GULP1: variants seen among roughly 807,000 people sequenced by gnomAD.
GULP1 encodes the protein PTB domain-containing engulfment adapter protein 1.
Under a neutral mutation model 40.9 loss-of-function variants are expected in GULP1, and 19 were observed. The ratio of observed to expected loss-of-function variants is 0.46; its 90% CI spans 0.32 to 0.68. The LOEUF is 0.68. GULP1 is among the 30% of genes least tolerant of loss of function. The probability of loss-of-function intolerance (pLI) is 0.03; values close to 1 mark genes in which losing one functional copy is unlikely to be tolerated. For synonymous variants in GULP1, 119 were observed against 117.6 expected (o/e 1.01, Z -0.08); for missense variants, 312 against 362.2 (o/e 0.86, Z 1.12).
rs1156906797 is a variant in GULP1, at chr2:188,547,109, A to G, written c.399+5791A>G. Among the ~76,000 whole-genome samples the G allele has an allele frequency of 4.0e-5, 6 of 151,412 alleles. No individual in the cohort carries two copies. The East Asian group carries it at 1.2e-3, about 29-fold the overall frequency. ...GTAGATGGTTTCACTGGAGAATTCTATAAAATGTTTAAACAGGAATTAATG... is the reference window on the plus strand; with the variant it reads ...GTAGATGGTTTCACTGGAGAATTCTGTAAAATGTTTAAACAGGAATTAATG... On this transcript the variant is annotated intron_variant, in intron 7 of 11. Transcript: ENST00000409830.
chr2:188,325,405 G>C (rs150495322), intron 1 of GULP1, among the ~76,000 whole-genome samples: 1 of 152,054 alleles, frequency 6.6e-6, no homozygotes, highest in African/African-American at 2.4e-5. Context: ...GTTCAATCTC[G>C]TGTTAAGTCT....
chr2:188,343,797 T>C (rs761856220), intron 1 of GULP1, among the ~76,000 whole-genome samples: 175 of 152,322 alleles, frequency 1.1e-3, no homozygotes, highest in Non-Finnish European at 2.2e-3. Context: ...CTCAACTTTT[T>C]ATTTTTATTT....
chr2:188,425,708 A>G (rs2056100578), intron 2 of GULP1, among the ~76,000 whole-genome samples: 1 of 152,176 alleles, frequency 6.6e-6, no homozygotes, highest in African/African-American at 2.4e-5. Context: ...ACATAGAATA[A>G]CAATTCAAAT....
At chr2:188,329,681 T>C (rs1207290540) in intron 1 of GULP1, among the ~76,000 whole-genome samples, 1 of 152,148 alleles carries the variant, frequency 6.6e-6, no homozygotes, top group Non-Finnish European at 1.5e-5. Context: ...CTTTTGCTAC[T>C]ATTTGGAGAA....
At chr2:188,575,687 A>G (rs1433054101) in intron 9 of GULP1, among the ~76,000 whole-genome samples, 1 of 152,208 alleles carries the variant, frequency 6.6e-6, no homozygotes, top group Non-Finnish European at 1.5e-5. Flanking sequence ...AATAATTGGA[A>G]AAGACATTGA....
At chr2:188,556,133 C>A (rs1694697767) in intron 7 of GULP1, among the ~76,000 whole-genome samples, 1 of 151,702 alleles carries the variant, frequency 6.6e-6, no homozygotes, top group African/African-American at 2.4e-5. Context: ...GTTTTCTAAT[C>A]CTTTTATGCT....
At chr2:188,354,264 C>T (rs2044941699) in intron 1 of GULP1, among the ~76,000 whole-genome samples, 1 of 152,158 alleles carries the variant, frequency 6.6e-6, no homozygotes, top group Non-Finnish European at 1.5e-5. Context: ...TCTAAGTTGT[C>T]TCTGAGCCCT....
rs552083087 is a variant in GULP1 at position 188,441,589 on chromosome 2, G to T, written c.-44-36070G>T. On this transcript the variant is annotated intron_variant, in intron 2 of 11. Transcript: ENST00000409830. Reference sequence around the variant, plus strand: ...GTTTGCATTCAGGCTCAAATGCCTAGCCACAGTGAATCTTCCAGAGAGATA... The same window carrying T: ...GTTTGCATTCAGGCTCAAATGCCTATCCACAGTGAATCTTCCAGAGAGATA... 2.6e-5 allele frequency among the ~76,000 whole-genome samples: 4 copies of T among 152,298 alleles called. No individual in the cohort carries two copies. The South Asian group carries it at 8.3e-4, about 32-fold the overall frequency.
At chr2:188,457,499 G>A (rs1453023881) in intron 2 of GULP1, among the ~76,000 whole-genome samples, 1 of 152,148 alleles carries the variant, frequency 6.6e-6, no homozygotes, top group East Asian at 1.9e-4. Flanking sequence ...TGCCATGATT[G>A]TGAGGCCTCC....
At chr2:188,565,642 G>C (rs1239892880) in intron 7 of GULP1, among the ~76,000 whole-genome samples, 3 of 151,942 alleles carry the variant, frequency 2.0e-5, no homozygotes, top group Non-Finnish European at 4.4e-5. Context: ...TTCTTATAAT[G>C]TTAAACCTCC....
chr2:188,424,631 T>C (rs1164732020), intron 2 of GULP1, among the ~76,000 whole-genome samples: 1 of 151,972 alleles, frequency 6.6e-6, no homozygotes, highest in Non-Finnish European at 1.5e-5. Context: ...AAATTCCCAA[T>C]TGTCTCATCA....
At chr2:188,468,747 A>G (rs1193799723) in intron 2 of GULP1, among the ~76,000 whole-genome samples, 6 of 152,158 alleles carry the variant, frequency 3.9e-5, no homozygotes, top group Admixed American at 2.0e-4. Flanking sequence ...CTTTCCAAAT[A>G]TGATTGAGTA....
chr2:188,316,906 A>G (rs2039168352), intron 1 of GULP1, among the ~76,000 whole-genome samples: 1 of 152,178 alleles, frequency 6.6e-6, no homozygotes, highest in Non-Finnish European at 1.5e-5. Flanking sequence ...TGAAGAAACA[A>G]TAAATTCAAG....
intron 3 of GULP1, among the ~76,000 whole-genome samples, chr2:188,481,218 T>G (rs1011615524): frequency 2.0e-5 from 3 of 152,000 alleles, no homozygotes; most frequent in African/African-American, 7.2e-5. Flanking sequence ...TATTCCCATT[T>G]CTGCACATTT....
chr2:188,359,433 C>T (rs2045797533), intron 1 of GULP1, among the ~76,000 whole-genome samples: 1 of 152,120 alleles, frequency 6.6e-6, no homozygotes, highest in African/African-American at 2.4e-5. Context: ...TAACTACCAA[C>T]AAACTCAAAT....
In GULP1 at chr2:188,594,697, A is replaced by C. The variant is rs1035706747; in HGVS notation, c.*686A>C. The C allele has an allele frequency of 6.6e-6, 1 of 151,768 alleles. No homozygotes were observed. Among genetic ancestry groups the C allele is most frequent in the African/African-American group, 2.4e-5 (1 of 41,394 alleles). The allele number at this position is 151,768 out of a possible 1,614,324, so 9.4% of individuals were successfully genotyped here. ...TTTGTTTTATAAAGGTAGTGAAAAA[A>C]TGAAAATTTGCTATTTATTAAAAAA... On this transcript the variant is annotated 3_prime_UTR_variant, in exon 12 of 12. Coordinates refer to ENST00000409830, the MANE Select transcript of GULP1 (RefSeq NM_016315.4).
At chr2:188,348,714 T>G (rs1011219143) in intron 1 of GULP1, among the ~76,000 whole-genome samples, 3 of 152,170 alleles carry the variant, frequency 2.0e-5, no homozygotes, top group Non-Finnish European at 4.4e-5. Context: ...TCCCATACAC[T>G]CATCACCCAG....
At chr2:188,345,587 C>T (rs1166711301) in intron 1 of GULP1, among the ~76,000 whole-genome samples, 1 of 152,148 alleles carries the variant, frequency 6.6e-6, no homozygotes, top group East Asian at 1.9e-4. Context: ...ATAGTTTTAG[C>T]TGGGTGGTGA....
intron 1 of GULP1, among the ~76,000 whole-genome samples, chr2:188,352,618 T>TCACACACA (rs66499080): frequency 0.057 from 7,613 of 134,424 alleles, 397 homozygotes; most frequent in African/African-American, 0.13. Context: ...TCTCTCTCTC[T>TCACACACA]CACACACACA....
Sources: allele counts gnomAD v4.1 joint callset (sites outside exome capture counted in the v4.1 genomes callset), GRCh38; gene constraint gnomAD v4.1.1; transcripts MANE v1.5; gene names NCBI Gene and HGNC (gene_info 2026-07-23, HGNC 2026-07-21).